POC5: variants seen among roughly 807,000 people sequenced by gnomAD.
POC5 encodes POC5 centriolar protein.
A neutral mutation model predicts 62.9 loss-of-function variants in POC5; 48 were observed. The ratio of observed to expected loss-of-function variants is 0.76; its 90% CI spans 0.61 to 0.97. The LOEUF (loss-of-function observed/expected upper bound fraction) is 0.97, where lower values mean the gene tolerates loss of function less well. Ranked by LOEUF, POC5 falls within the 50% of genes least tolerant of loss-of-function variation. The probability of loss-of-function intolerance (pLI) is 0.00; values close to 1 mark genes in which losing one functional copy is unlikely to be tolerated. For missense variants in POC5, 696 were observed against 679.5 expected (o/e 1.02, Z -0.27); for synonymous variants, 236 against 228.2 (o/e 1.03, Z -0.31).
At chr5:75,707,198 T>C (rs1350288406) in intron 3 of POC5, among the ~76,000 whole-genome samples, 3 of 152,244 alleles carry the variant, frequency 2.0e-5, no homozygotes, top group African/African-American at 7.2e-5. Flanking sequence ...TTTTCTCCAC[T>C]TTTCACTCAT....
At chr5:75,680,650 A>C (rs1434159469) in intron 10 of POC5, among the ~76,000 whole-genome samples, 1 of 152,166 alleles carries the variant, frequency 6.6e-6, no homozygotes, top group African/African-American at 2.4e-5. Context: ...GACAATTTAG[A>C]AATAATTCAT....
rs1777409069 is a variant in POC5, at chr5:75,712,892, C to T, written c.46G>A (p.Asp16Asn). The change falls in exon 2 of 12, where the codon GAC becomes AAC. Residue 16 changes from aspartate (D) to asparagine (N), a missense_variant. Physicochemically the swap from Asp to Asn is conservative, Grantham distance 23. Coordinates refer to ENST00000428202, the MANE Select transcript of POC5 (RefSeq NM_001099271.2). ...GAGACAGAACTGCCTCGACTGGAGT[C>T]ATTTTGCACAACTGGAAGTGAGTAT... is the stretch of plus-strand genomic sequence containing the variant. ...EKYSLPVVQN[D>N]SSRGSSVSSN... 1 of 1,612,578 alleles carries T rather than the reference C, an allele frequency of 6.2e-7. No individual in the cohort carries two copies. The highest frequency in any genetic ancestry group is 1.3e-5 in the African/African-American group (1 of 74,936).
In POC5 at chr5:75,685,426, T is replaced by C; in HGVS notation, c.1188A>G (p.Glu396=). The change falls in exon 10 of 12, where the codon GAA becomes GAG. Residue 396 remains glutamate (E), a synonymous_variant. Transcript: ENST00000428202. ...EEYGPGVQGK[E]HSAHLDPSAP... is the part of the protein sequence containing the mutation. ...CTGAAGGATCCAAATGAGCAGAATG[T>C]TCTTTTCCTTGAACACCAGGACCAT... 2.5e-6 allele frequency: 4 copies of C among 1,613,822 alleles called. No individual in the cohort carries two copies. Among genetic ancestry groups the C allele is most frequent in the Non-Finnish European group, 3.4e-6 (4 of 1,179,742 alleles).
At chr5:75,683,743 G>T (rs1775961978) in intron 10 of POC5, among the ~76,000 whole-genome samples, 1 of 151,280 alleles carries the variant, frequency 6.6e-6, no homozygotes, top group Admixed American at 6.6e-5. Flanking sequence ...CTTGCTCGTT[G>T]CCCAGGCTGG....
intron 10 of POC5, among the ~76,000 whole-genome samples, chr5:75,683,127 A>G (rs1775934026): frequency 6.6e-6 from 1 of 152,142 alleles, no homozygotes; most frequent in African/African-American, 2.4e-5. Context: ...AGTGGTTAGG[A>G]GTTGGGGAGA....
intron 1 of POC5, among the ~76,000 whole-genome samples, 171 bp downstream of exon 1, chr5:75,717,134 TG>T: frequency 6.6e-6 from 1 of 152,222 alleles, no homozygotes; most frequent in Non-Finnish European, 1.5e-5. Flanking sequence ...TTCCTCTTCC[TG>T]CACGCCTCGG....
At chr5:75,682,943 T>C (rs1227851783) in intron 10 of POC5, among the ~76,000 whole-genome samples, 1 of 152,232 alleles carries the variant, frequency 6.6e-6, no homozygotes, top group East Asian at 1.9e-4. Flanking sequence ...CCAAAGTTAG[T>C]AGCTCTCGAA....
chr5:75,707,526 A>G, intron 3 of POC5: 2 of 429,912 alleles, frequency 4.7e-6, no homozygotes, highest in Non-Finnish European at 4.2e-6. Context: ...TAAAAGTAAG[A>G]GTCAAATGAA....
intron 4 of POC5, among the ~76,000 whole-genome samples, chr5:75,704,402 T>C (rs903119976): frequency 6.6e-6 from 1 of 152,192 alleles, no homozygotes; most frequent in Non-Finnish European, 1.5e-5. Context: ...GCAAACATAT[T>C]CTGCTTATGT....
intron 10 of POC5, among the ~76,000 whole-genome samples, 157 bp downstream of exon 10, chr5:75,685,050 G>A (rs572825331): frequency 6.6e-6 from 1 of 152,100 alleles, no homozygotes; most frequent in South Asian, 2.1e-4. Flanking sequence ...CGTATTTTTA[G>A]TAGAGACGGG....
At position 75,695,160 on chromosome 5, in the gene POC5, G is replaced by A. The variant is rs978298886; in HGVS notation, c.514-329C>T. Among the ~76,000 whole-genome samples the A allele has an allele frequency of 5.3e-5, 8 of 152,272 alleles. No individual in the cohort carries two copies. The East Asian group carries it at 1.2e-3, about 22-fold the overall frequency. ...AAATGTCCATATGAAGATGGATCAG[G>A]AATAAAGGGAAACACATAACTATGG... On this transcript the variant is annotated intron_variant, in intron 5 of 11. Transcript: ENST00000428202.
intron 5 of POC5, among the ~76,000 whole-genome samples, chr5:75,697,495 C>T (rs1377046370): frequency 6.6e-6 from 1 of 152,046 alleles, no homozygotes; most frequent in Non-Finnish European, 1.5e-5. Context: ...ACTTTACAGA[C>T]AAGCAAAGCT....
Position 75,689,099 on chromosome 5 carries a change from C to G in POC5, c.1042G>C (p.Glu348Gln). The G allele has an allele frequency of 6.3e-7, 1 of 1,597,764 alleles. No individual in the cohort carries two copies. The highest frequency in any genetic ancestry group is 1.3e-5 in the African/African-American group (1 of 74,832). The stretch of plus-strand genomic sequence containing the variant: ...ATGAAAGCTTTTTTCATGGAATCTT[C>G]AAAGTGCTCTTTTTCATGTTGCATT... ...QRMQHEKEHFEDSMKKAFMRG... is the reference protein window; with the variant it reads ...QRMQHEKEHFQDSMKKAFMRG... The change falls in exon 9 of 12, where the codon GAA becomes CAA. Residue 348 changes from glutamate (E) to glutamine (Q), a missense_variant. Glu to Gln is a conservative substitution (Grantham distance 29). Coordinates refer to ENST00000428202, the MANE Select transcript of POC5 (RefSeq NM_001099271.2).
At chr5:75,688,692 T>G (rs1776194570) in intron 9 of POC5, among the ~76,000 whole-genome samples, 1 of 152,192 alleles carries the variant, frequency 6.6e-6, no homozygotes, top group Non-Finnish European at 1.5e-5. Flanking sequence ...AGAAGTTTTG[T>G]ACTTAAAAAG....
chr5:75,696,719 T>C (rs1319757499), intron 5 of POC5, among the ~76,000 whole-genome samples: 2 of 152,200 alleles, frequency 1.3e-5, no homozygotes, highest in South Asian at 2.1e-4. Context: ...AGAATGACTT[T>C]GACGAGCTGA....
chr5:75,691,753 A>G (rs1776347036), intron 7 of POC5, among the ~76,000 whole-genome samples: 1 of 152,042 alleles, frequency 6.6e-6, no homozygotes, highest in African/African-American at 2.4e-5. Context: ...TCTCTAAACT[A>G]TGTCTTGTTG....
intron 11 of POC5, among the ~76,000 whole-genome samples, chr5:75,675,316 T>G (rs953682321): frequency 2.0e-5 from 3 of 152,214 alleles, no homozygotes; most frequent in Non-Finnish European, 2.9e-5. Context: ...CGATAAAGCT[T>G]CTTAGTAGCC....
chr5:75,695,371 A>T (rs898214184), intron 5 of POC5, among the ~76,000 whole-genome samples: 8 of 151,320 alleles, frequency 5.3e-5, no homozygotes, highest in African/African-American at 9.7e-5. Flanking sequence ...ATTTGTTATT[A>T]AAAAAAAACT....
chr5:75,691,116 A>C (rs923550971), intron 7 of POC5, among the ~76,000 whole-genome samples: 23 of 152,236 alleles, frequency 1.5e-4, no homozygotes, highest in Admixed American at 1.4e-3. Context: ...AGTAGTTCCA[A>C]TTCTCAATTT....
Sources: allele counts gnomAD v4.1 joint callset (sites outside exome capture counted in the v4.1 genomes callset), GRCh38; gene constraint gnomAD v4.1.1; transcripts MANE v1.5; gene names NCBI Gene and HGNC (gene_info 2026-07-23, HGNC 2026-07-21).